Variants in XKR8 observed in about 807,000 individuals in gnomAD.
XKR8 encodes XK related 8.
XKR8 carries 10 observed loss-of-function variants against 17.1 expected under a neutral mutation model. That is an observed-to-expected ratio of 0.59 (90% CI 0.36 to 0.99). XKR8 has a LOEUF of 0.99. Ranked by LOEUF, XKR8 falls within the 50% of genes least tolerant of loss-of-function variation. The pLI is 0.01. For missense variants in XKR8, 411 were observed against 515.6 expected, an observed-to-expected ratio of 0.80 and a Z score of 1.96; for synonymous variants, 213 against 251.9, an observed-to-expected ratio of 0.85 and a Z score of 1.46.
At chr1:27,962,073 T>C (rs545851137) in intron 1 of XKR8, among the ~76,000 whole-genome samples, 6 of 152,112 alleles carry the variant, frequency 3.9e-5, no homozygotes, top group African/African-American at 1.4e-4. Context: ...CAAGGCAGAG[T>C]CTGATTCCAT....
chr1:27,963,075 G>A (rs1638498648), intron 1 of XKR8, among the ~76,000 whole-genome samples: 1 of 152,114 alleles, frequency 6.6e-6, no homozygotes, highest in East Asian at 1.9e-4. Context: ...CCAGGCTGGA[G>A]TGCAGTGGCA....
chr1:27,966,826 T>C lies in XKR8; in HGVS notation c.814T>C (p.Ser272Pro), dbSNP rs1482432651. The change falls in exon 3 of 3, where the codon TCC (serine) becomes CCC (proline). Residue 272 changes from serine (S) to proline (P), a missense_variant. Ser to Pro is a moderately conservative substitution (Grantham distance 74). Transcript: ENST00000373884. This position sits in a 1 kb window ranked among gnomAD's most constrained non-coding sequence, Gnocchi z 4.3. ...GACGGTGGCCACCATCCTCTATTTC[T>C]CCTGGTTCAACGTGGCTGAGGGCCG... ...RVTVATILYF[S>P]WFNVAEGRTR... 6.2e-7 allele frequency: 1 copy of C among 1,613,768 alleles called. No individual in the cohort carries two copies. Among genetic ancestry groups the C allele is most frequent in the African/African-American group, 1.3e-5 (1 of 74,892 alleles).
intron 2 of XKR8, among the ~76,000 whole-genome samples, chr1:27,964,884 C>T (rs1248488868): frequency 6.6e-6 from 1 of 152,196 alleles, no homozygotes; most frequent in Non-Finnish European, 1.5e-5. Context: ...CACAGCCTCT[C>T]AAGAAACCAG....
rs1215950146 is a variant in XKR8, at chr1:27,967,079, G to C, written c.1067G>C (p.Gly356Ala). 3 of 1,614,088 alleles carry C rather than the reference G, an allele frequency of 1.9e-6. No individual in the cohort carries two copies. In the South Asian group the frequency reaches 3.3e-5, roughly 18 times the overall value. Residue 356 changes from glycine to alanine, a missense_variant, in exon 3 of 3, where the codon GGG becomes GCG. By Grantham distance (60) the Gly-to-Ala change is moderately conservative (BLOSUM62 0). Coordinates refer to ENST00000373884, the MANE Select transcript of XKR8 (RefSeq NM_018053.4). This position sits in a 1 kb window ranked among gnomAD's most constrained non-coding sequence, Gnocchi z 4.3. ...AAGCCCGACCCTGACCAGGTAGACG[G>C]GGCCCGGAGTCTGCTTTCTCCAGAG... ...CWKPDPDQVD[G>A]ARSLLSPEGY...
rs1237016669 is a variant in XKR8 at position 27,966,868 on chromosome 1, A to G, written c.856A>G (p.Ile286Val). 4 of 1,614,140 alleles carry G rather than the reference A, an allele frequency of 2.5e-6. No homozygotes were observed. The highest frequency in any genetic ancestry group is 2.2e-5 in the East Asian group (1 of 44,880). ...TGAGGGCCGCACCCGAGGCCGGGCCATCATCCACTTCGCCTTCCTCCTGAG... is the reference window on the plus strand; with the variant it reads ...TGAGGGCCGCACCCGAGGCCGGGCCGTCATCCACTTCGCCTTCCTCCTGAG... Reference protein sequence around the residue: ...VAEGRTRGRAIIHFAFLLSDS... With the variant: ...VAEGRTRGRAVIHFAFLLSDS... The change falls in exon 3 of 3, where the codon ATC (isoleucine) becomes GTC (valine). Residue 286 changes from isoleucine to valine, a missense_variant. By Grantham distance (29) the Ile-to-Val change is conservative. Coordinates refer to ENST00000373884, the MANE Select transcript of XKR8 (RefSeq NM_018053.4). The surrounding 1 kb of genome is among the most constrained non-coding windows in gnomAD (Gnocchi z 4.3).
Position 27,965,571 on chromosome 1 carries a change from G to T in XKR8, c.491-932G>T, listed in dbSNP as rs1449574474. On this transcript the variant is annotated intron_variant, in intron 2 of 2. Transcript: ENST00000373884. This position sits in a 1 kb window ranked among gnomAD's most constrained non-coding sequence, Gnocchi z 4.1. ...GGCCTGCGGGGTAATGGAGGAGTAGGCCGGGGAAGTGGGGCCTGTGCTTCT... is the reference window on the plus strand; with the variant it reads ...GGCCTGCGGGGTAATGGAGGAGTAGTCCGGGGAAGTGGGGCCTGTGCTTCT... Among the ~76,000 whole-genome samples, 2 of 152,110 alleles carry T rather than the reference G, an allele frequency of 1.3e-5. No individual in the cohort carries two copies. Among genetic ancestry groups the T allele is most frequent in the African/African-American group, 4.8e-5 (2 of 41,420 alleles).
At position 27,959,985 on chromosome 1, in the gene XKR8, C is replaced by G. The variant is rs941417959; in HGVS notation, c.-85C>G. 3 of 1,265,136 alleles carry G rather than the reference C, an allele frequency of 2.4e-6. No homozygotes were observed. The African/African-American group carries it at 4.7e-5, about 20-fold the overall frequency. 78.4% of individuals were successfully genotyped at this position (1,265,136 alleles called of 1,614,324 possible). Reference sequence around the variant, plus strand: ...CCCGGGCCGCCCCGAGGGCTGCGCCCACCTCCTTCCTGCCTCGGCAACCCC... The same window carrying G: ...CCCGGGCCGCCCCGAGGGCTGCGCCGACCTCCTTCCTGCCTCGGCAACCCC... On this transcript the variant is annotated 5_prime_UTR_variant, in exon 1 of 3. Transcript: ENST00000373884.
rs1339345727 is a variant in XKR8, at chr1:27,959,997, G to A, written c.-73G>A. The stretch of plus-strand genomic sequence containing the variant: ...CGAGGGCTGCGCCCACCTCCTTCCT[G>A]CCTCGGCAACCCCGGGCCCTGAGGG... On this transcript the variant is annotated 5_prime_UTR_variant, in exon 1 of 3. Coordinates refer to ENST00000373884, the MANE Select transcript of XKR8 (RefSeq NM_018053.4). 2.3e-6 allele frequency: 3 copies of A among 1,316,530 alleles called. No homozygotes were observed. Among genetic ancestry groups the A allele is most frequent in the East Asian group, 3.1e-5 (1 of 32,394 alleles). The allele number at this position is 1,316,530 out of a possible 1,614,324, so 81.6% of individuals were successfully genotyped here.
rs1638455183 is a variant in XKR8, at chr1:27,960,765, G to A, written c.293+403G>A. Reference sequence around the variant, plus strand: ...GTGACGGGCAGGCCTGTTGTGAAGAGTGAGCGAAAGAATGAGAAAGTGCCT... The same window carrying A: ...GTGACGGGCAGGCCTGTTGTGAAGAATGAGCGAAAGAATGAGAAAGTGCCT... On this transcript the variant is annotated intron_variant, in intron 1 of 2. Coordinates refer to ENST00000373884, the MANE Select transcript of XKR8 (RefSeq NM_018053.4). This position sits in a 1 kb window ranked among gnomAD's most constrained non-coding sequence, Gnocchi z 5.9. Among the ~76,000 whole-genome samples, 1 of 152,214 alleles carries A rather than the reference G, an allele frequency of 6.6e-6. No individual in the cohort carries two copies. The highest frequency in any genetic ancestry group is 1.5e-5 in the Non-Finnish European group (1 of 68,036).
Position 27,966,918 on chromosome 1 carries a change from C to T in XKR8, c.906C>T (p.Thr302=). 1 of 1,614,218 alleles carries T rather than the reference C, an allele frequency of 6.2e-7. No homozygotes were observed. The highest frequency in any genetic ancestry group is 8.5e-7 in the Non-Finnish European group (1 of 1,180,038). Residue 302 remains threonine, a synonymous_variant, in exon 3 of 3, where the codon ACC becomes ACT. Transcript: ENST00000373884. The surrounding 1 kb of genome is among the most constrained non-coding windows in gnomAD (Gnocchi z 4.3). ...GTGACAGCATTCTCCTGGTGGCCACCTGGGTGACTCATAGCTCCTGGCTGC... is the reference window on the plus strand; with the variant it reads ...GTGACAGCATTCTCCTGGTGGCCACTTGGGTGACTCATAGCTCCTGGCTGC... The part of the protein sequence containing the change: ...LLSDSILLVA[T]WVTHSSWLPS...
chr1:27,960,709 G>A lies in XKR8; in HGVS notation c.293+347G>A, dbSNP rs751942043. On this transcript the variant is annotated intron_variant, in intron 1 of 2. Transcript: ENST00000373884. This position sits in a 1 kb window ranked among gnomAD's most constrained non-coding sequence, Gnocchi z 5.9. ...TCTCTGAGCCTCAGTTTCCTCCTGC[G>A]TAGAAAGGAGGTAGTCACCCTGAGA... Among the ~76,000 whole-genome samples the A allele has an allele frequency of 6.6e-6, 1 of 152,338 alleles. No individual in the cohort carries two copies. The highest frequency in any genetic ancestry group is 2.1e-4 in the South Asian group (1 of 4,828).
rs1638590564 is a variant in XKR8, at chr1:27,967,071, G to C, written c.1059G>C (p.Gln353His). The C allele has an allele frequency of 8.7e-6, 14 of 1,614,110 alleles. No homozygotes were observed. Among genetic ancestry groups the C allele is most frequent in the Non-Finnish European group, 1.1e-5 (13 of 1,179,964 alleles). ...GCTGCTGGAAGCCCGACCCTGACCA[G>C]GTAGACGGGGCCCGGAGTCTGCTTT... ...PSCCWKPDPD[Q>H]VDGARSLLSP... The change falls in exon 3 of 3, where the codon CAG becomes CAC. Residue 353 changes from glutamine (Q) to histidine (H), a missense_variant. Gln to His is a conservative substitution (Grantham distance 24). Transcript: ENST00000373884. The surrounding 1 kb of genome is among the most constrained non-coding windows in gnomAD (Gnocchi z 4.3).
At chr1:27,962,753 A>G (rs1186782340) in intron 1 of XKR8, among the ~76,000 whole-genome samples, 1 of 152,030 alleles carries the variant, frequency 6.6e-6, no homozygotes, top group East Asian at 1.9e-4. Flanking sequence ...CACCACGTCC[A>G]ACTAATTAAA....
In XKR8 at chr1:27,965,378, G is replaced by C. The variant is rs1638548996; in HGVS notation, c.491-1125G>C. Among the ~76,000 whole-genome samples, 4 of 152,314 alleles carry C rather than the reference G, an allele frequency of 2.6e-5. No individual in the cohort carries two copies. The South Asian group carries it at 8.3e-4, about 32-fold the overall frequency. On this transcript the variant is annotated intron_variant, in intron 2 of 2. Transcript: ENST00000373884. This position sits in a 1 kb window ranked among gnomAD's most constrained non-coding sequence, Gnocchi z 4.1. Reference sequence around the variant, plus strand: ...ACTGGGCTGCTGGGGGATCCCAAGTGAGCAGAGTCTGTTTTCTACCCTCGA... The same window carrying C: ...ACTGGGCTGCTGGGGGATCCCAAGTCAGCAGAGTCTGTTTTCTACCCTCGA...
chr1:27,967,467 A>G lies in XKR8; in HGVS notation c.*267A>G. The G allele has an allele frequency of 3.4e-6, 1 of 298,318 alleles. No individual in the cohort carries two copies. The highest frequency in any genetic ancestry group is 6.2e-6 in the Non-Finnish European group (1 of 160,680). 18.5% of individuals were successfully genotyped at this position (298,318 alleles called of 1,614,324 possible). On this transcript the variant is annotated 3_prime_UTR_variant, in exon 3 of 3. Transcript: ENST00000373884. The surrounding 1 kb of genome is among the most constrained non-coding windows in gnomAD (Gnocchi z 4.3). ...CCAATTATGTACAAGACACTTTGGG[A>G]GGAAAGAAGACTACCTTTTCCCCCT...
rs1268316827 is a variant in XKR8 at position 27,960,218 on chromosome 1, T to G, written c.149T>G (p.Leu50Arg). Residue 50 changes from leucine (L) to arginine (R), a missense_variant, in exon 1 of 3, where the codon CTG (leucine) becomes CGG (arginine). Coordinates refer to ENST00000373884, the MANE Select transcript of XKR8 (RefSeq NM_018053.4). The surrounding 1 kb of genome is among the most constrained non-coding windows in gnomAD (Gnocchi z 5.9). Reference sequence around the variant, plus strand: ...CGCTACCTGTGGGCGGCGCTGGTGCTGGCGCTGCTGGGCCTGGCCTCCGTG... The same window carrying G: ...CGCTACCTGTGGGCGGCGCTGGTGCGGGCGCTGCTGGGCCTGGCCTCCGTG... ...GGRYLWAALV[L>R]ALLGLASVAL... 2 of 1,527,038 alleles carry G rather than the reference T, an allele frequency of 1.3e-6. No homozygotes were observed. The highest frequency in any genetic ancestry group is 1.2e-5 in the South Asian group (1 of 82,876). 94.6% of individuals were successfully genotyped at this position (1,527,038 alleles called of 1,614,324 possible).
At position 27,959,988 on chromosome 1, in the gene XKR8, C is replaced by G. The variant is rs1571670622; in HGVS notation, c.-82C>G. On this transcript the variant is annotated 5_prime_UTR_variant, in exon 1 of 3. Transcript: ENST00000373884. The stretch of plus-strand genomic sequence containing the variant: ...GGGCCGCCCCGAGGGCTGCGCCCAC[C>G]TCCTTCCTGCCTCGGCAACCCCGGG... 1.6e-6 allele frequency: 2 copies of G among 1,287,632 alleles called. No homozygotes were observed. Among genetic ancestry groups the G allele is most frequent in the East Asian group, 3.1e-5 (1 of 32,150 alleles). The allele number at this position is 1,287,632 out of a possible 1,614,324, so 79.8% of individuals were successfully genotyped here. A position where few individuals can be genotyped will look rare whatever the true frequency, so the allele number is the denominator to read the frequency against.
chr1:27,967,326 G>A lies in XKR8; in HGVS notation c.*126G>A, dbSNP rs960791352. The A allele has an allele frequency of 1.5e-4, 173 of 1,137,014 alleles. 3 individuals are homozygous for A. The Middle Eastern group carries it at 2.1e-3, about 14-fold the overall frequency. 70.4% of individuals were successfully genotyped at this position (1,137,014 alleles called of 1,614,324 possible). ...TGGCCTCTATGCACTCAGCAAGAGC[G>A]GGACGCCTGTGCTGGGCCGGGCACC... is the stretch of plus-strand genomic sequence containing the variant. On this transcript the variant is annotated 3_prime_UTR_variant, in exon 3 of 3. Coordinates refer to ENST00000373884, the MANE Select transcript of XKR8 (RefSeq NM_018053.4). The surrounding 1 kb of genome is among the most constrained non-coding windows in gnomAD (Gnocchi z 4.3).
At chr1:27,963,743 C>G (rs1489196636) in intron 2 of XKR8, 50 bp downstream of exon 2, 8 of 1,452,214 alleles carry the variant, frequency 5.5e-6, no homozygotes, top group Non-Finnish European at 7.3e-6. Context: ...GGTGGGGGGT[C>G]TCTCAAATGT....
Sources: gnomAD v4.1 joint callset for allele counts (sites outside exome capture counted in the v4.1 genomes callset) on GRCh38, gnomAD v4.1.1 for gene constraint, Gnocchi (gnomAD v3.1) non-coding constraint, MANE v1.5 for transcripts, NCBI Gene and HGNC (gene_info 2026-07-23, HGNC 2026-07-21) for gene names.